The following ZNF185 variants were observed in gnomAD, a reference collection of about 807,000 sequenced individuals.
ZNF185 encodes zinc finger protein 185 with LIM domain, also known as zinc finger protein 185.
A neutral mutation model predicts 58.6 loss-of-function variants in ZNF185; 56 were observed. The observed-to-expected ratio is 0.95, with a 90% CI of 0.77 to 1.19. The LOEUF (loss-of-function observed/expected upper bound fraction) is 1.19. Ranked by LOEUF, ZNF185 falls within the 50% of genes most tolerant of loss-of-function variation. The pLI, the probability that ZNF185 is intolerant of heterozygous loss-of-function variation, is 0.00. For synonymous variants in ZNF185, 230 were observed against 215.9 expected, an observed-to-expected ratio of 1.07 and a Z score of -0.57; for missense variants, 627 against 573.5, an observed-to-expected ratio of 1.09 and a Z score of -0.95.
chrX:152,942,415 G>A (rs1177803601), intron 15 of ZNF185, among the ~76,000 whole-genome samples: 1 of 111,672 alleles, frequency 9.0e-6, no homozygotes, highest in Non-Finnish European at 1.9e-5. Context: ...TTCCTCACGT[G>A]CGGAATAGTG....
upstream of ZNF185, chrX:152,914,433 C>T (rs1556863644): frequency 9.2e-7 from 1 of 1,086,154 alleles, no homozygotes; most frequent in Non-Finnish European, 1.2e-6. Context: ...ATTTGCTTAC[C>T]TTTATCCCCA....
intron 17 of ZNF185, among the ~76,000 whole-genome samples, chrX:152,962,932 G>A (rs1288342389): frequency 2.7e-5 from 3 of 113,041 alleles, no homozygotes. Context: ...TCTGGCAAGG[G>A]GACAATACCC....
chrX:152,941,889 G>C, intron 15 of ZNF185: 3 of 1,079,313 alleles, frequency 2.8e-6, no homozygotes, highest in Non-Finnish European at 3.6e-6. Flanking sequence ...GACCGTCGCC[G>C]GCGGGAGGAA....
chrX:152,968,536 G>A (rs1198596491), intron 20 of ZNF185, among the ~76,000 whole-genome samples: 1 of 112,785 alleles, frequency 8.9e-6, no homozygotes, highest in Non-Finnish European at 1.9e-5. Flanking sequence ...GAGCAGGGCT[G>A]CGCTGAGGGC....
At chrX:152,922,212 C>G (rs1556869974) in exon 10 of ZNF185, 1 of 1,193,721 alleles carries the variant, frequency 8.4e-7, no homozygotes, top group South Asian at 1.8e-5. Flanking sequence ...CTGAGAAGAG[C>G]CAGGACCCAC....
At chrX:152,968,850 C>T (rs910307917) in intron 20 of ZNF185, among the ~76,000 whole-genome samples, 1 of 112,337 alleles carries the variant, frequency 8.9e-6, no homozygotes, top group African/African-American at 3.2e-5. Flanking sequence ...AGATGCTCAA[C>T]CCAGGAGTCA....
chrX:152,911,668 C>CA (rs1556861576), upstream of ZNF185, among the ~76,000 whole-genome samples: 77 of 37,717 alleles, frequency 2.0e-3, no homozygotes, highest in East Asian at 0.016. Context: ...CATCCCATCC[C>CA]TCCCATCCCA....
chrX:152,952,400 C>T (rs1206326587), intron 16 of ZNF185, among the ~76,000 whole-genome samples: 1 of 112,204 alleles, frequency 8.9e-6, no homozygotes, highest in Non-Finnish European at 1.9e-5. Flanking sequence ...TTATTTATCT[C>T]TAAGTCAATT....
At chrX:152,951,085 A>AT (rs57205058) in intron 16 of ZNF185, among the ~76,000 whole-genome samples, 3,290 of 92,358 alleles carry the variant, frequency 0.036, 159 homozygotes, top group African/African-American at 0.12. Context: ...ATGATCAAGA[A>AT]TTTTTTTTTT....
chrX:152,948,596 G>A (rs782550463), intron 16 of ZNF185, among the ~76,000 whole-genome samples: 1 of 111,480 alleles, frequency 9.0e-6, no homozygotes, highest in Non-Finnish European at 1.9e-5. Context: ...GCTTGTGCCC[G>A]GGTTCCCTCA....
chrX:152,898,253 T>G, the ZNF185 span, among the ~76,000 whole-genome samples: 1,395 of 110,819 alleles, frequency 0.013, 13 homozygotes, highest in African/African-American at 0.027. Flanking sequence ...GGCTGTCGAG[T>G]CGCCATTGGA....
the ZNF185 span, among the ~76,000 whole-genome samples, chrX:152,901,990 G>A: frequency 1.8e-5 from 2 of 112,358 alleles, no homozygotes; most frequent in Non-Finnish European, 3.8e-5. Context: ...CCTGTTGGGA[G>A]TGTGCTCATT....
chrX:152,926,991 C>T (rs1940984853), intron 11 of ZNF185, among the ~76,000 whole-genome samples: 2 of 112,294 alleles, frequency 1.8e-5, no homozygotes, highest in Non-Finnish European at 3.8e-5. Flanking sequence ...TCTGTCTTCG[C>T]GCAGCCGTCT....
At chrX:152,962,998 A>G (rs10521897) in intron 17 of ZNF185, among the ~76,000 whole-genome samples, 2,418 of 113,214 alleles carry the variant, frequency 0.021, 64 homozygotes, top group African/African-American at 0.072. Flanking sequence ...GAGCCACAGC[A>G]TGTTGGAGAA....
chrX:152,916,643 G>C (rs1938541312), intron 3 of ZNF185, among the ~76,000 whole-genome samples: 1 of 112,320 alleles, frequency 8.9e-6, no homozygotes, highest in Admixed American at 9.4e-5. Flanking sequence ...CTGCTGCCTG[G>C]GCTCTCCCCT....
intron 16 of ZNF185, among the ~76,000 whole-genome samples, chrX:152,955,353 C>A (rs1357239547): frequency 1.8e-5 from 2 of 111,903 alleles, no homozygotes; most frequent in Non-Finnish European, 3.8e-5. Flanking sequence ...GTCTTGAAAC[C>A]CACTGGGAAA....
chrX:152,924,353 T>C (rs1002725810), intron 11 of ZNF185, among the ~76,000 whole-genome samples: 2 of 110,912 alleles, frequency 1.8e-5, no homozygotes, highest in Admixed American at 1.9e-4. Context: ...ACTCTAGGAC[T>C]CAAATGATCC....
chrX:152,971,916 A>T (rs1556919589), exon 23 of ZNF185: 1 of 112,186 alleles, frequency 8.9e-6, no homozygotes, highest in African/African-American at 3.2e-5. Flanking sequence ...ATTAGGTTTA[A>T]ATTCAGTAGG....
chrX:152,915,604 C>T (rs1166909092), intron 3 of ZNF185, among the ~76,000 whole-genome samples: 2 of 113,025 alleles, frequency 1.8e-5, no homozygotes. Context: ...TGACTCACTC[C>T]TGCAGGTCAC....
Sources: gnomAD v4.1 joint callset for allele counts (sites outside exome capture counted in the v4.1 genomes callset) on GRCh38, gnomAD v4.1.1 for gene constraint, MANE v1.5 for transcripts, NCBI Gene and HGNC (gene_info 2026-07-23, HGNC 2026-07-21) for gene names.